Variants in TSPAN18 observed in about 807,000 individuals in gnomAD.
TSPAN18 encodes tetraspanin 18.
A neutral mutation model predicts 27.3 loss-of-function variants in TSPAN18; 14 were observed. The ratio of observed to expected loss-of-function variants is 0.51; its 90% confidence interval spans 0.34 to 0.80. TSPAN18 has a LOEUF of 0.80. Ranked by LOEUF, TSPAN18 falls within the 30% of genes least tolerant of loss-of-function variation. The pLI is 0.01. For missense variants in TSPAN18, 268 were observed against 323.9 expected (o/e 0.83, Z 1.32); for synonymous variants, 143 against 136.5 (o/e 1.05, Z -0.33).
At chr11:44,850,923 G>T (rs1195550687) in intron 2 of TSPAN18, among the ~76,000 whole-genome samples, 1 of 152,120 alleles carries the variant, frequency 6.6e-6, no homozygotes, top group Non-Finnish European at 1.5e-5. Context: ...TCCACTCCAG[G>T]GTTAAAGATG....
intron 3 of TSPAN18, chr11:44,903,736 C>T: frequency 4.4e-6 from 2 of 455,846 alleles, no homozygotes; most frequent in South Asian, 1.6e-5. Context: ...GCCATGCTCA[C>T]TGAAGTAAAG....
At chr11:44,794,092 G>A (rs1017784026) in intron 2 of TSPAN18, among the ~76,000 whole-genome samples, 1 of 152,166 alleles carries the variant, frequency 6.6e-6, no homozygotes, top group African/African-American at 2.4e-5. Context: ...TTAGAGGAGG[G>A]AGAAGCAGGG....
At position 44,744,828 on chromosome 11, in the gene TSPAN18, G is replaced by A. The variant is rs116381469; in HGVS notation, c.-240+17541G>A. Among the ~76,000 whole-genome samples the A allele has an allele frequency of 6.3e-3, 957 of 152,276 alleles. 9 individuals carry two copies. Among genetic ancestry groups the A allele is most frequent in the African/African-American group, 0.022 (917 of 41,548 alleles). ...CCAAAGAGCAGGGGTAGCATGGTGTGGTAGTACCTGGATGGCAGACACTTT... is the reference window on the plus strand; with the variant it reads ...CCAAAGAGCAGGGGTAGCATGGTGTAGTAGTACCTGGATGGCAGACACTTT... On this transcript the variant is annotated intron_variant, in intron 1 of 9. Coordinates refer to ENST00000520358, the MANE Select transcript of TSPAN18 (RefSeq NM_130783.5).
intron 2 of TSPAN18, among the ~76,000 whole-genome samples, chr11:44,832,051 A>G (rs182635393): frequency 1.5e-3 from 223 of 152,272 alleles, no homozygotes; most frequent in Non-Finnish European, 1.1e-3. Flanking sequence ...GAAGGAGACC[A>G]TCACTCCCCT....
intron 2 of TSPAN18, among the ~76,000 whole-genome samples, chr11:44,840,780 G>A (rs897902593): frequency 4.6e-5 from 7 of 152,202 alleles, no homozygotes; most frequent in African/African-American, 1.7e-4. Flanking sequence ...ACCATCTAGA[G>A]AGATTGAATC....
chr11:44,799,330 C>T (rs764523623), intron 2 of TSPAN18, among the ~76,000 whole-genome samples: 2 of 152,172 alleles, frequency 1.3e-5, no homozygotes, highest in Non-Finnish European at 2.9e-5. Context: ...AACTTCGGAG[C>T]GGCCACTGCC....
chr11:44,903,232 G>T (rs372328652), intron 3 of TSPAN18: 1 of 362,960 alleles, frequency 2.8e-6, no homozygotes, highest in Non-Finnish European at 5.4e-6. Context: ...CCTGGCGGAG[G>T]TGATGCCTGT....
At chr11:44,756,349 T>C (rs1430402651) in intron 1 of TSPAN18, among the ~76,000 whole-genome samples, 1 of 150,742 alleles carries the variant, frequency 6.6e-6, no homozygotes, top group African/African-American at 2.4e-5. Context: ...GGAGAATAAC[T>C]TGGAATCATG....
At chr11:44,853,283 A>G (rs766158927) in intron 2 of TSPAN18, among the ~76,000 whole-genome samples, 2 of 152,088 alleles carry the variant, frequency 1.3e-5, no homozygotes, top group African/African-American at 2.4e-5. Context: ...TTAGGGACGT[A>G]GAGTCCATGG....
intron 3 of TSPAN18, among the ~76,000 whole-genome samples, chr11:44,894,181 A>G (rs1309970177): frequency 6.6e-6 from 1 of 152,188 alleles, no homozygotes; most frequent in Non-Finnish European, 1.5e-5. Context: ...CCTAGAAGTT[A>G]GTTCTGAACA....
intron 2 of TSPAN18, among the ~76,000 whole-genome samples, chr11:44,827,841 A>G (rs944860082): frequency 6.6e-6 from 1 of 152,192 alleles, no homozygotes; most frequent in African/African-American, 2.4e-5. Context: ...GGAGAGGGAC[A>G]TGGGAAGCAG....
chr11:44,799,586 G>A (rs984502781), intron 2 of TSPAN18, among the ~76,000 whole-genome samples: 3 of 152,178 alleles, frequency 2.0e-5, no homozygotes, highest in Non-Finnish European at 4.4e-5. Context: ...ACCCTCCCAG[G>A]CCTATTGCGT....
At position 44,931,341 on chromosome 11, in the gene TSPAN18, A is replaced by G. The variant is rs1860554570; in HGVS notation, c.*2163A>G. On this transcript the variant is annotated 3_prime_UTR_variant, in exon 10 of 10. Transcript: ENST00000520358. ...GATGACACACAAAAACAAAAACAAA[A>G]AACAAAAAACCCATGCTGGGCAGGA... 5.4e-6 allele frequency: 1 copy of G among 184,092 alleles called. No individual in the cohort carries two copies. The highest frequency in any genetic ancestry group is 2.4e-5 in the African/African-American group (1 of 42,100). The allele number at this position is 184,092 out of a possible 1,614,324, so 11.4% of individuals were successfully genotyped here. A position where few individuals can be genotyped will look rare whatever the true frequency, so the allele number is the denominator to read the frequency against.
chr11:44,918,184 G>A, intron 6 of TSPAN18, 138 bp downstream of exon 6: 1 of 870,064 alleles, frequency 1.1e-6, no homozygotes, highest in East Asian at 2.5e-5. Flanking sequence ...CCCAAGTCAT[G>A]GCCCCACCCG....
intron 2 of TSPAN18, chr11:44,859,454 C>T (rs893131849): frequency 5.3e-5 from 8 of 152,210 alleles, no homozygotes; most frequent in Admixed American, 4.6e-4. Flanking sequence ...TCCCATTTTA[C>T]AAATGAAGAG....
intron 3 of TSPAN18, chr11:44,903,814 T>C (rs1859355278): frequency 8.8e-6 from 4 of 456,564 alleles, no homozygotes; most frequent in Non-Finnish European, 8.8e-6. Flanking sequence ...TTGCCTGGGT[T>C]CCAATCTTGG....
intron 5 of TSPAN18, chr11:44,917,709 G>A (rs550486207): frequency 3.2e-5 from 16 of 502,590 alleles, no homozygotes; most frequent in South Asian, 7.5e-5. Flanking sequence ...CACACTGTAC[G>A]AGGGGCCTCT....
rs1234443725 is a variant in TSPAN18 at position 44,791,292 on chromosome 11, A to G, written c.-153+26780A>G. On this transcript the variant is annotated intron_variant, in intron 2 of 9. Coordinates refer to ENST00000520358, the MANE Select transcript of TSPAN18 (RefSeq NM_130783.5). Reference sequence around the variant, plus strand: ...CACACACCTAGGGTGAGAGCCGTGGAGCCAATCTGCTCCTCCCACTTTGGG... The same window carrying G: ...CACACACCTAGGGTGAGAGCCGTGGGGCCAATCTGCTCCTCCCACTTTGGG... 2.0e-5 allele frequency among the ~76,000 whole-genome samples: 3 copies of G among 152,200 alleles called. No homozygotes were observed. In the South Asian group the frequency reaches 6.2e-4, roughly 31 times the overall value.
chr11:44,839,818 C>G (rs1013879495), intron 2 of TSPAN18, among the ~76,000 whole-genome samples: 8 of 152,120 alleles, frequency 5.3e-5, no homozygotes, highest in Non-Finnish European at 1.2e-4. Context: ...TGGCTGTAGG[C>G]CTAGGGAGGC....
Sources: gnomAD v4.1 joint callset for allele counts (sites outside exome capture counted in the v4.1 genomes callset) on GRCh38, gnomAD v4.1.1 for gene constraint, MANE v1.5 for transcripts, NCBI Gene and HGNC (gene_info 2026-07-23, HGNC 2026-07-21) for gene names.